MC2R: variants seen among roughly 807,000 people sequenced by gnomAD.
MC2R encodes melanocortin 2 receptor.
MC2R carries 9 observed loss-of-function variants against 9.8 expected under a neutral mutation model. The ratio of observed to expected loss-of-function variants is 0.92; its 90% CI spans 0.55 to 1.60. The LOEUF (loss-of-function observed/expected upper bound fraction) is 1.60. Among genes scored for constraint, MC2R ranks in the 40% most tolerant of loss-of-function variants. MC2R has a pLI of 0.00. For missense variants in MC2R, 370 were observed against 389.0 expected (o/e 0.95, Z 0.41); for synonymous variants, 185 against 154.7 (o/e 1.20, Z -1.45).
In MC2R at chr18:13,885,253, A is replaced by G. The variant is rs746513339; in HGVS notation, c.266T>C (p.Met89Thr). ...ACTGCCACGTGGCTTGAGATAGCCCATGTTTCTCAATATGATCAGGATATT... is the reference window on the plus strand; with the variant it reads ...ACTGCCACGTGGCTTGAGATAGCCCGTGTTTCTCAATATGATCAGGATATT... ...LENILIILRN[M>T]GYLKPRGSFE... Residue 89 changes from methionine to threonine, a missense_variant, in exon 2 of 2, where the codon ATG becomes ACG. Transcript: ENST00000327606. The G allele has an allele frequency of 5.6e-5, 90 of 1,614,024 alleles. No individual in the cohort carries two copies. Among genetic ancestry groups the G allele is most frequent in the Non-Finnish European group, 6.9e-5 (81 of 1,180,032 alleles).
At chr18:13,895,297 G>A (rs1233634974) in intron 1 of MC2R, among the ~76,000 whole-genome samples, 1 of 152,182 alleles carries the variant, frequency 6.6e-6, no homozygotes, top group African/African-American at 2.4e-5. Context: ...AATTTTATGG[G>A]AAAATAAGTG....
chr18:13,894,098 A>G (rs2045332405), intron 1 of MC2R, among the ~76,000 whole-genome samples: 2 of 151,952 alleles, frequency 1.3e-5, no homozygotes, highest in African/African-American at 2.4e-5. Context: ...ATTTTTCAAT[A>G]GTTTTGGAAG....
chr18:13,890,542 G>A (rs904978990), intron 1 of MC2R, among the ~76,000 whole-genome samples: 4 of 152,142 alleles, frequency 2.6e-5, no homozygotes, highest in African/African-American at 4.8e-5. Context: ...TGATCTGCAC[G>A]TGTCGGGGTG....
intron 1 of MC2R, among the ~76,000 whole-genome samples, chr18:13,899,027 G>A (rs1017764550): frequency 2.6e-5 from 4 of 152,086 alleles, no homozygotes; most frequent in African/African-American, 9.7e-5. Flanking sequence ...ACTAAATAAG[G>A]CACCAATTCT....
chr18:13,901,281 T>A (rs2045378553), intron 1 of MC2R, among the ~76,000 whole-genome samples: 1 of 151,324 alleles, frequency 6.6e-6, no homozygotes, highest in African/African-American at 2.4e-5. Flanking sequence ...AGTGCCTACA[T>A]CAAAAAAGAG....
At chr18:13,909,253 T>G (rs1355385005) in intron 1 of MC2R, among the ~76,000 whole-genome samples, 2 of 152,204 alleles carry the variant, frequency 1.3e-5, no homozygotes, top group Non-Finnish European at 2.9e-5. Context: ...TTATGGACCT[T>G]GCGGGAGGAA....
chr18:13,897,644 A>G (rs934962273), intron 1 of MC2R, among the ~76,000 whole-genome samples: 4 of 152,010 alleles, frequency 2.6e-5, no homozygotes, highest in African/African-American at 9.7e-5. Flanking sequence ...GAGAAGGAAG[A>G]GTAGGGAGGA....
chr18:13,886,035 C>T (rs908571706), intron 1 of MC2R, among the ~76,000 whole-genome samples: 14 of 137,052 alleles, frequency 1.0e-4, no homozygotes, highest in African/African-American at 3.8e-4. Flanking sequence ...AATGCATACA[C>T]GTGGATATAG....
At chr18:13,888,264 G>A (rs1164974178) in intron 1 of MC2R, among the ~76,000 whole-genome samples, 2 of 152,114 alleles carry the variant, frequency 1.3e-5, no homozygotes, top group African/African-American at 2.4e-5. Flanking sequence ...TACACAGTGT[G>A]CCCATGGGGT....
chr18:13,883,592 C>G lies in MC2R; in HGVS notation c.*1033G>C. On this transcript the variant is annotated 3_prime_UTR_variant, in exon 2 of 2. Transcript: ENST00000327606. ...TGGGGAAAATACACACACACACACACACACACACACACACACACACACACA... is the reference window on the plus strand; with the variant it reads ...TGGGGAAAATACACACACACACACAGACACACACACACACACACACACACA... The G allele has an allele frequency of 1.1e-5, 1 of 94,740 alleles. No individual in the cohort carries two copies. Among genetic ancestry groups the G allele is most frequent in the African/African-American group, 4.1e-5 (1 of 24,302 alleles). 5.9% of individuals were successfully genotyped at this position (94,740 alleles called of 1,614,324 possible).
chr18:13,900,379 A>G (rs1598465647), intron 1 of MC2R, among the ~76,000 whole-genome samples: 3 of 152,024 alleles, frequency 2.0e-5, no homozygotes, highest in Admixed American at 6.6e-5. Flanking sequence ...AAATAACAAA[A>G]TGGCAGGAGT....
intron 1 of MC2R, among the ~76,000 whole-genome samples, chr18:13,889,413 C>A (rs1163520887): frequency 1.3e-5 from 2 of 152,160 alleles, no homozygotes; most frequent in Non-Finnish European, 2.9e-5. Flanking sequence ...TTGGTTGATT[C>A]GTTTGCCTGA....
chr18:13,894,359 T>C (rs1002579526), intron 1 of MC2R, among the ~76,000 whole-genome samples: 1 of 152,180 alleles, frequency 6.6e-6, no homozygotes, highest in Non-Finnish European at 1.5e-5. Flanking sequence ...TTCGTGGAAG[T>C]TAATTTTTGC....
chr18:13,900,511 A>G (rs1337211027), intron 1 of MC2R, among the ~76,000 whole-genome samples: 2 of 152,098 alleles, frequency 1.3e-5, no homozygotes, highest in Non-Finnish European at 2.9e-5. Context: ...CAAGAAACAC[A>G]CTTCACCTAT....
rs531328151 is a variant in MC2R, at chr18:13,888,189, C to T, written c.-128-2543G>A. On this transcript the variant is annotated intron_variant, in intron 1 of 1. Coordinates refer to ENST00000327606, the MANE Select transcript of MC2R (RefSeq NM_000529.2). Reference sequence around the variant, plus strand: ...TGGTTTGGGAGCCCAGCTTCAGTTGCTGTGCATTGCTGACCTGCAGCTGCC... The same window carrying T: ...TGGTTTGGGAGCCCAGCTTCAGTTGTTGTGCATTGCTGACCTGCAGCTGCC... 3.9e-5 allele frequency among the ~76,000 whole-genome samples: 6 copies of T among 152,172 alleles called. No homozygotes were observed. The East Asian group carries it at 7.7e-4, about 20-fold the overall frequency.
intron 1 of MC2R, among the ~76,000 whole-genome samples, chr18:13,914,755 G>T (rs2045466654): frequency 6.6e-6 from 1 of 152,208 alleles, no homozygotes; most frequent in Non-Finnish European, 1.5e-5. Flanking sequence ...TCGAATGCCT[G>T]GGCCTCTTTT....
At chr18:13,914,060 A>AT (rs11324197) in intron 1 of MC2R, among the ~76,000 whole-genome samples, 3,264 of 145,762 alleles carry the variant, frequency 0.022, 85 homozygotes, top group African/African-American at 0.07. Flanking sequence ...AAAGAATAGG[A>AT]TTTTTTTTTT....
chr18:13,908,742 G>C (rs1011662161), intron 1 of MC2R, among the ~76,000 whole-genome samples: 1 of 148,314 alleles, frequency 6.7e-6, no homozygotes, highest in Admixed American at 6.8e-5. Context: ...GTGTGTGTGT[G>C]TATTTCAAGC....
intron 1 of MC2R, among the ~76,000 whole-genome samples, chr18:13,909,830 C>T (rs901665322): frequency 1.3e-5 from 2 of 152,148 alleles, no homozygotes; most frequent in Non-Finnish European, 2.9e-5. Context: ...AGCCACTTCC[C>T]CCAGGGATCC....
Sources: allele counts gnomAD v4.1 joint callset (sites outside exome capture counted in the v4.1 genomes callset), GRCh38; gene constraint gnomAD v4.1.1; transcripts MANE v1.5; gene names NCBI Gene and HGNC (gene_info 2026-07-23, HGNC 2026-07-21).